SENP1: variants seen among roughly 807,000 people sequenced by gnomAD.
SENP1 encodes the protein SUMO specific peptidase 1.
In SENP1, 21 loss-of-function variants were observed where a neutral mutation model predicts 93.0. The observed-to-expected ratio is 0.23, with a 90% confidence interval of 0.16 to 0.33. The LOEUF is 0.33. Among genes scored for constraint, SENP1 ranks in the 10% least tolerant of loss-of-function variants. The pLI is 1.00. For synonymous variants in SENP1, 256 were observed against 259.6 expected (o/e 0.99, Z 0.13); for missense variants, 591 against 758.7 (o/e 0.78, Z 2.60).
chr12:48,093,998 A>G (rs765987697), intron 4 of SENP1, among the ~76,000 whole-genome samples: 1 of 152,166 alleles, frequency 6.6e-6, no homozygotes, highest in Non-Finnish European at 1.5e-5. Flanking sequence ...GTTAAAAAAG[A>G]TTACATGTGT....
intron 9 of SENP1, 112 bp from the exon 10 acceptor site, chr12:48,067,077 A>C: frequency 1.4e-6 from 1 of 701,476 alleles, no homozygotes; most frequent in Non-Finnish European, 2.5e-6. Context: ...GTGCTTTACA[A>C]GTATGGAATA....
chr12:48,059,454 T>C (rs1362936429), intron 13 of SENP1, among the ~76,000 whole-genome samples: 4 of 152,188 alleles, frequency 2.6e-5, no homozygotes, highest in Admixed American at 6.6e-5. Context: ...TTAAAAAATA[T>C]CTTCCATTTC....
chr12:48,085,361 C>T (rs1254795841), intron 5 of SENP1: 25 of 1,402,302 alleles, frequency 1.8e-5, no homozygotes, highest in African/African-American at 5.7e-5. Context: ...CATATGAGGA[C>T]GCCAAGGACT....
chr12:48,091,135 T>C (rs1945200452), intron 4 of SENP1, among the ~76,000 whole-genome samples: 8 of 152,172 alleles, frequency 5.3e-5, no homozygotes, highest in South Asian at 4.1e-4. Flanking sequence ...TTTATGAATA[T>C]AATAAACTTC....
intron 6 of SENP1, among the ~76,000 whole-genome samples, chr12:48,079,115 A>T (rs1052156040): frequency 6.6e-6 from 1 of 152,206 alleles, no homozygotes. Flanking sequence ...GCGCCACTGC[A>T]TTCCAGCCTG....
intron 13 of SENP1, among the ~76,000 whole-genome samples, chr12:48,056,472 ATATT>A (rs1418007680): frequency 1.8e-4 from 11 of 62,228 alleles, no homozygotes; most frequent in African/African-American, 3.9e-4. Flanking sequence ...ATATATAAAT[ATATT>A]ATTTAATATA....
intron 9 of SENP1, among the ~76,000 whole-genome samples, chr12:48,070,740 G>A (rs1249743233): frequency 6.6e-6 from 1 of 152,150 alleles, no homozygotes; most frequent in Non-Finnish European, 1.5e-5. Context: ...CCCCTTTAAT[G>A]AATGATCAGA....
rs747388836 is a variant in SENP1, at chr12:48,066,943, G to A, written c.1018C>T (p.Leu340=). ...ATAACTTACAATTCTTTGATCCACA[G>A]CTCTGCCTGGAAGAAAGTAGAACTA... The part of the protein sequence containing the change: ...TPSSTFFQAE[L]WIKELTSVYD... Residue 340 remains leucine (L), a synonymous_variant, in exon 10 of 18, where the codon CTG becomes TTG. Transcript: ENST00000549518. 9.0e-6 allele frequency: 14 copies of A among 1,563,260 alleles called. No individual in the cohort carries two copies. Among genetic ancestry groups the A allele is most frequent in the Non-Finnish European group, 8.7e-7 (1 of 1,152,128 alleles).
intron 13 of SENP1, among the ~76,000 whole-genome samples, chr12:48,050,201 A>T (rs1941693330): frequency 6.6e-6 from 1 of 152,216 alleles, no homozygotes; most frequent in Non-Finnish European, 1.5e-5. Context: ...CTAAGAAAAC[A>T]GGCACATTTT....
chr12:48,100,717 C>T (rs915724813), intron 2 of SENP1, among the ~76,000 whole-genome samples: 1 of 152,060 alleles, frequency 6.6e-6, no homozygotes, highest in African/African-American at 2.4e-5. Flanking sequence ...AATCCTGGCT[C>T]AGCCAGTTAT....
chr12:48,061,241 C>T (rs551769099), intron 13 of SENP1, among the ~76,000 whole-genome samples: 1 of 152,258 alleles, frequency 6.6e-6, no homozygotes, highest in South Asian at 2.1e-4. Context: ...AACAATGTAT[C>T]AGTCACCTAT....
chr12:48,093,260 AAGGAATGAATTCAGGTG>A (rs1945324207), intron 4 of SENP1, among the ~76,000 whole-genome samples: 1 of 151,268 alleles, frequency 6.6e-6, no homozygotes, highest in Non-Finnish European at 1.5e-5. Context: ...AGGTTTTGCC[AAGGAATGAATTCAGGTG>A]AGGTTTTTTT....
chr12:48,068,852 T>C (rs1159187432), intron 9 of SENP1, among the ~76,000 whole-genome samples: 2 of 150,408 alleles, frequency 1.3e-5, no homozygotes, highest in Non-Finnish European at 3.0e-5. Flanking sequence ...CTGGATGAGA[T>C]TTTGAAAAGC....
At chr12:48,047,647 C>A (rs1941472640) in intron 15 of SENP1, among the ~76,000 whole-genome samples, 1 of 152,154 alleles carries the variant, frequency 6.6e-6, no homozygotes, top group Non-Finnish European at 1.5e-5. Context: ...GATTTGCATT[C>A]TGGTCCACCT....
chr12:48,062,231 G>A (rs1007010133), intron 13 of SENP1, among the ~76,000 whole-genome samples: 10 of 152,160 alleles, frequency 6.6e-5, no homozygotes, highest in South Asian at 2.1e-4. Context: ...AACTGACCTC[G>A]CACCACCAGC....
At chr12:48,098,216 C>G (rs566632610) in intron 2 of SENP1, 92 bp from the exon 3 acceptor site, 16 of 1,321,284 alleles carry the variant, frequency 1.2e-5, no homozygotes, top group Admixed American at 6.6e-5. Flanking sequence ...AAAACAATTC[C>G]CACCCAGGCA....
intron 6 of SENP1, among the ~76,000 whole-genome samples, chr12:48,079,455 C>T (rs547430300): frequency 9.9e-5 from 15 of 152,162 alleles, no homozygotes; most frequent in South Asian, 4.1e-4. Context: ...GCCGAGATCG[C>T]GCCACTGCAC....
intron 3 of SENP1, among the ~76,000 whole-genome samples, chr12:48,096,803 T>C (rs1945596894): frequency 6.6e-6 from 1 of 152,002 alleles, no homozygotes; most frequent in South Asian, 2.1e-4. Flanking sequence ...AGGAAAAATA[T>C]ATAATTAAAC....
At chr12:48,057,300 G>T (rs1942612776) in intron 13 of SENP1, among the ~76,000 whole-genome samples, 1 of 146,980 alleles carries the variant, frequency 6.8e-6, no homozygotes, top group Admixed American at 6.9e-5. Flanking sequence ...TGTGATCTTG[G>T]CTCACTGCAA....
Sources: allele counts gnomAD v4.1 joint callset (sites outside exome capture counted in the v4.1 genomes callset), GRCh38; gene constraint gnomAD v4.1.1; transcripts MANE v1.5; gene names NCBI Gene and HGNC (gene_info 2026-07-23, HGNC 2026-07-21).